Variants in CTNND2 observed in about 807,000 individuals in gnomAD.
CTNND2 encodes catenin delta 2.
In CTNND2, 22 loss-of-function variants were observed where a neutral mutation model predicts 144.4. That is an observed-to-expected ratio of 0.15 (90% CI 0.11 to 0.22). The LOEUF is 0.22. Ranked by LOEUF, CTNND2 falls within the 10% of genes least tolerant of loss-of-function variation. CTNND2 has a pLI of 1.00. For synonymous variants in CTNND2, 751 were observed against 695.6 expected, an observed-to-expected ratio of 1.08 and a Z score of -1.25; for missense variants, 1,353 against 1,618.8, an observed-to-expected ratio of 0.84 and a Z score of 2.82.
intron 9 of CTNND2, among the ~76,000 whole-genome samples, chr5:11,332,426 G>A (rs1753265931): frequency 1.3e-5 from 2 of 152,050 alleles, no homozygotes; most frequent in South Asian, 2.1e-4. Flanking sequence ...CTGTCTATAG[G>A]AGGCAGTGCC....
chr5:11,028,938 G>A (rs1437587983), intron 16 of CTNND2, among the ~76,000 whole-genome samples: 2 of 152,172 alleles, frequency 1.3e-5, no homozygotes, highest in Non-Finnish European at 2.9e-5. Flanking sequence ...TGAACTCCTG[G>A]CCTCAAGTGA....
chr5:11,078,128 A>G (rs1357554030), intron 16 of CTNND2, among the ~76,000 whole-genome samples: 4 of 152,204 alleles, frequency 2.6e-5, no homozygotes, highest in African/African-American at 7.2e-5. Flanking sequence ...CCATGAAACC[A>G]TATGATGTCA....
At chr5:11,444,003 T>C (rs1392218352) in intron 3 of CTNND2, among the ~76,000 whole-genome samples, 1 of 152,218 alleles carries the variant, frequency 6.6e-6, no homozygotes, top group Admixed American at 6.5e-5. Flanking sequence ...ATCAAGTCAT[T>C]AATTACTCTC....
At chr5:11,404,599 A>ATTTTTTTTTTTTTTTTTTTTTTTTT (rs1405789135) in intron 5 of CTNND2, among the ~76,000 whole-genome samples, 1 of 32,770 alleles carries the variant, frequency 3.1e-5, no homozygotes, top group Non-Finnish European at 9.6e-5. Flanking sequence ...CAGTATCTGT[A>ATTTTTTTTTTTTTTTTTTTTTTTTT]TTCTTTTTTT....
chr5:11,317,174 C>T (rs766178528), intron 9 of CTNND2, among the ~76,000 whole-genome samples: 3 of 152,112 alleles, frequency 2.0e-5, no homozygotes, highest in African/African-American at 7.2e-5. Flanking sequence ...TTATTTTATC[C>T]GCATCTTACA....
intron 3 of CTNND2, among the ~76,000 whole-genome samples, chr5:11,504,346 T>G (rs770143225): frequency 1.3e-5 from 2 of 152,214 alleles, no homozygotes; most frequent in Non-Finnish European, 2.9e-5. Context: ...AAAAGCAAGA[T>G]AATTCCAGTA....
At chr5:11,626,100 G>A (rs1273137539) in intron 2 of CTNND2, among the ~76,000 whole-genome samples, 1 of 152,006 alleles carries the variant, frequency 6.6e-6, no homozygotes, top group Non-Finnish European at 1.5e-5. Flanking sequence ...TAAAACATGA[G>A]GCCATAATGT....
chr5:11,749,661 T>A (rs1322986472), intron 1 of CTNND2, among the ~76,000 whole-genome samples: 1 of 152,042 alleles, frequency 6.6e-6, no homozygotes, highest in African/African-American at 2.4e-5. Flanking sequence ...TGTTCAAGGA[T>A]TTTACTTAGT....
intron 3 of CTNND2, among the ~76,000 whole-genome samples, chr5:11,422,599 C>G (rs577573807): frequency 6.6e-6 from 1 of 152,056 alleles, no homozygotes; most frequent in East Asian, 1.9e-4. Context: ...AACACTGTCA[C>G]GTCTGCGGGC....
intron 1 of CTNND2, among the ~76,000 whole-genome samples, chr5:11,841,595 A>G (rs1161169166): frequency 1.3e-5 from 2 of 152,192 alleles, no homozygotes; most frequent in African/African-American, 2.4e-5. Context: ...AATAACAGCT[A>G]GTGGTGAGAA....
chr5:11,358,638 A>T (rs1251655745), intron 8 of CTNND2, among the ~76,000 whole-genome samples: 1 of 152,240 alleles, frequency 6.6e-6, no homozygotes. Flanking sequence ...ACTATTATTT[A>T]TATCACAATG....
chr5:11,597,910 T>C (rs1779597459), intron 2 of CTNND2, among the ~76,000 whole-genome samples: 1 of 152,192 alleles, frequency 6.6e-6, no homozygotes, highest in Admixed American at 6.5e-5. Flanking sequence ...TAAGTAGAGC[T>C]GGTATTTTAT....
At chr5:11,100,419 A>G (rs1205689168) in intron 14 of CTNND2, among the ~76,000 whole-genome samples, 2 of 152,160 alleles carry the variant, frequency 1.3e-5, no homozygotes, top group Admixed American at 6.6e-5. Context: ...TAAAACCAAT[A>G]CATCTCCTTT....
chr5:11,447,552 C>T (rs1039310953), intron 3 of CTNND2, among the ~76,000 whole-genome samples: 2 of 152,160 alleles, frequency 1.3e-5, no homozygotes, highest in Non-Finnish European at 2.9e-5. Flanking sequence ...GTGGCATAGG[C>T]ACCAATCAAC....
intron 2 of CTNND2, among the ~76,000 whole-genome samples, chr5:11,581,901 T>C (rs1489919215): frequency 6.6e-6 from 1 of 152,224 alleles, no homozygotes; most frequent in Non-Finnish European, 1.5e-5. Flanking sequence ...AAATGTACTG[T>C]TCTCTGCTTT....
At chr5:11,589,282 A>AC (rs1779083358) in intron 2 of CTNND2, among the ~76,000 whole-genome samples, 22 of 146,620 alleles carry the variant, frequency 1.5e-4, no homozygotes, top group African/African-American at 5.6e-4. Context: ...TTAACATTAA[A>AC]ACACACACAC....
At chr5:11,611,650 T>C (rs1780332038) in intron 2 of CTNND2, among the ~76,000 whole-genome samples, 1 of 152,100 alleles carries the variant, frequency 6.6e-6, no homozygotes, top group African/African-American at 2.4e-5. Flanking sequence ...TGGTGGCATG[T>C]GCTTATAATC....
chr5:11,177,891 C>T (rs538601915), intron 11 of CTNND2, among the ~76,000 whole-genome samples: 4 of 152,204 alleles, frequency 2.6e-5, no homozygotes, highest in South Asian at 2.1e-4. Context: ...TCAATTCCAT[C>T]GCAAGAAAAC....
At chr5:11,468,345 G>C (rs1766860676) in intron 3 of CTNND2, among the ~76,000 whole-genome samples, 1 of 152,186 alleles carries the variant, frequency 6.6e-6, no homozygotes, top group African/African-American at 2.4e-5. Flanking sequence ...TCATAAAACA[G>C]AAAATCATTA....
Sources: gnomAD v4.1 joint callset for allele counts (sites outside exome capture counted in the v4.1 genomes callset) on GRCh38, gnomAD v4.1.1 for gene constraint, MANE v1.5 for transcripts, NCBI Gene and HGNC (gene_info 2026-07-23, HGNC 2026-07-21) for gene names.